The following SCLT1 variants were observed in gnomAD, a reference collection of about 807,000 sequenced individuals.
SCLT1 encodes sodium channel-associated protein 1.
Under a neutral mutation model 112.8 loss-of-function variants are expected in SCLT1, and 78 were observed. The ratio of observed to expected loss-of-function variants is 0.69; its 90% CI spans 0.58 to 0.83. The LOEUF (loss-of-function observed/expected upper bound fraction) is 0.83, where lower values mean the gene tolerates loss of function less well. Ranked by LOEUF, SCLT1 falls within the 40% of genes least tolerant of loss-of-function variation. The pLI is 0.00. For synonymous variants in SCLT1, 257 were observed against 254.7 expected (o/e 1.01, Z -0.09); for missense variants, 747 against 770.4 (o/e 0.97, Z 0.36).
chr4:128,965,275 T>C lies in SCLT1; in HGVS notation c.821A>G (p.Asp274Gly). The stretch of plus-strand genomic sequence containing the variant: ...AGACTGTAACTGCTGTAAACGCCTA[T>C]CTGATGCTTCCTCTCTTCCATGGGC... ...VSAHGREEAS[D>G]RRLQQLQSSI... Residue 274 changes from aspartate to glycine, a missense_variant, in exon 11 of 21, where the codon GAT (aspartate) becomes GGT (glycine). Transcript: ENST00000281142. 5 of 1,610,582 alleles carry C rather than the reference T, an allele frequency of 3.1e-6. No individual in the cohort carries two copies. Among genetic ancestry groups the C allele is most frequent in the Non-Finnish European group, 4.2e-6 (5 of 1,176,958 alleles).
intron 10 of SCLT1, among the ~76,000 whole-genome samples, chr4:128,968,131 G>C (rs893305839): frequency 6.6e-6 from 1 of 152,156 alleles, no homozygotes; most frequent in Non-Finnish European, 1.5e-5. Flanking sequence ...ACCAAATTTA[G>C]GAAGTTTTCA....
At chr4:128,957,883 CG>C (rs1739350815) in intron 12 of SCLT1, among the ~76,000 whole-genome samples, 2 of 152,162 alleles carry the variant, frequency 1.3e-5, no homozygotes, top group Admixed American at 1.3e-4. Flanking sequence ...CACACAGTAC[CG>C]GTTTTCCTCC....
chr4:129,071,827 T>C (rs1330055251), intron 2 of SCLT1, among the ~76,000 whole-genome samples: 1 of 152,206 alleles, frequency 6.6e-6, no homozygotes, highest in East Asian at 1.9e-4. Context: ...GAGGTACTGT[T>C]GCATTCACCA....
chr4:128,874,714 T>A (rs1353213098), intron 4 of SCLT1: 2 of 152,624 alleles, frequency 1.3e-5, no homozygotes, highest in Non-Finnish European at 2.9e-5. Context: ...TCTATTAGTA[T>A]GGAACCATTT....
At chr4:128,881,402 G>A (rs1301259780), downstream of SCLT1, among the ~76,000 whole-genome samples, 3 of 152,200 alleles carry the variant, frequency 2.0e-5, no homozygotes, top group African/African-American at 7.2e-5. Context: ...GCAAGACTGT[G>A]TAACTATGAA....
At chr4:129,060,818 G>C (rs1206420372) in intron 2 of SCLT1, among the ~76,000 whole-genome samples, 1 of 152,154 alleles carries the variant, frequency 6.6e-6, no homozygotes, top group Non-Finnish European at 1.5e-5. Context: ...GCAGGGTCTT[G>C]GAATGGCTGT....
At chr4:128,923,175 G>A (rs966389418) in intron 18 of SCLT1, among the ~76,000 whole-genome samples, 9 of 152,300 alleles carry the variant, frequency 5.9e-5, no homozygotes, top group South Asian at 2.1e-4. Context: ...GCCACATGCG[G>A]TGGCTCATGT....
chr4:129,050,268 G>A (rs1296660975), intron 2 of SCLT1, among the ~76,000 whole-genome samples: 3 of 152,110 alleles, frequency 2.0e-5, no homozygotes, highest in East Asian at 3.9e-4. Context: ...TGGATTGCTG[G>A]GTCAAATGGA....
At chr4:128,983,978 T>C (rs2126056590) in intron 9 of SCLT1, among the ~76,000 whole-genome samples, 1 of 152,324 alleles carries the variant, frequency 6.6e-6, no homozygotes. Context: ...AAAAGAAGCA[T>C]CTGTTTATCC....
At chr4:128,960,625 A>G (rs1241507021) in intron 11 of SCLT1, among the ~76,000 whole-genome samples, 1 of 152,138 alleles carries the variant, frequency 6.6e-6, no homozygotes, top group African/African-American at 2.4e-5. Flanking sequence ...TCCCTTTATA[A>G]GAACTCTAAA....
At chr4:129,078,586 A>AATGG (rs1444730393) in intron 2 of SCLT1, among the ~76,000 whole-genome samples, 1 of 152,092 alleles carries the variant, frequency 6.6e-6, no homozygotes, top group Admixed American at 6.5e-5. Flanking sequence ...GCAAATAGTG[A>AATGG]ATGGATAGCT....
intron 18 of SCLT1, among the ~76,000 whole-genome samples, chr4:128,930,489 TA>T (rs1736669248): frequency 6.6e-6 from 1 of 152,206 alleles, no homozygotes; most frequent in South Asian, 2.1e-4. Context: ...ATGTTTTCCT[TA>T]AGAACTAAAT....
chr4:129,002,265 T>C (rs1743562373), intron 6 of SCLT1, among the ~76,000 whole-genome samples: 2 of 151,954 alleles, frequency 1.3e-5, no homozygotes, highest in African/African-American at 4.8e-5. Context: ...TTTAAACCCA[T>C]ACAAGATATG....
At chr4:129,000,927 A>G (rs370318487) in intron 6 of SCLT1, among the ~76,000 whole-genome samples, 10 of 151,922 alleles carry the variant, frequency 6.6e-5, no homozygotes, top group African/African-American at 2.2e-4. Context: ...CTAACACCAT[A>G]GATTAGTTTT....
intron 2 of SCLT1, among the ~76,000 whole-genome samples, chr4:129,047,402 T>C (rs1748281792): frequency 1.3e-5 from 2 of 152,138 alleles, no homozygotes; most frequent in African/African-American, 4.8e-5. Context: ...GCCAATACCA[T>C]ACTAACCAAA....
At position 128,958,507 on chromosome 4, in the gene SCLT1, G is replaced by C. The variant is rs769565900; in HGVS notation, c.1047+1093C>G. Reference sequence around the variant, plus strand: ...ACTTAAGATTTGAGTGAGAAGATTTGGGAGGAGGATGGGCAATGAGTGTTC... The same window carrying C: ...ACTTAAGATTTGAGTGAGAAGATTTCGGAGGAGGATGGGCAATGAGTGTTC... On this transcript the variant is annotated intron_variant, in intron 12 of 20. Transcript: ENST00000281142. Among the ~76,000 whole-genome samples the C allele has an allele frequency of 5.7e-4, 87 of 152,116 alleles. 1 individual carries two copies. Among genetic ancestry groups the C allele is most frequent in the Non-Finnish European group, 1.0e-3 (69 of 67,996 alleles).
intron 18 of SCLT1, among the ~76,000 whole-genome samples, chr4:128,914,180 A>G (rs1386140598): frequency 1.3e-5 from 2 of 152,108 alleles, no homozygotes; most frequent in Non-Finnish European, 2.9e-5. Context: ...CCTGGCTAAC[A>G]CGGTGAAACC....
chr4:128,934,022 A>G (rs1736986898), intron 18 of SCLT1, among the ~76,000 whole-genome samples: 1 of 151,972 alleles, frequency 6.6e-6, no homozygotes, highest in African/African-American at 2.4e-5. Flanking sequence ...CTATATAATT[A>G]AGTTAATTTG....
At chr4:128,997,601 C>A (rs1743119091) in intron 8 of SCLT1, among the ~76,000 whole-genome samples, 1 of 151,732 alleles carries the variant, frequency 6.6e-6, no homozygotes, top group African/African-American at 2.4e-5. Flanking sequence ...AGCATGTACT[C>A]TACTCTTGAG....
Sources: allele counts gnomAD v4.1 joint callset (sites outside exome capture counted in the v4.1 genomes callset), GRCh38; gene constraint gnomAD v4.1.1; transcripts MANE v1.5; gene names NCBI Gene and HGNC (gene_info 2026-07-23, HGNC 2026-07-21).